The following KCNIP3 variants were observed in gnomAD, a reference collection of about 807,000 sequenced individuals.
KCNIP3 encodes calsenilin.
Under a neutral mutation model 35.0 loss-of-function variants are expected in KCNIP3, and 28 were observed. The ratio of observed to expected loss-of-function variants is 0.80; its 90% CI spans 0.59 to 1.10. KCNIP3 has a LOEUF of 1.10. KCNIP3 is among the 50% of genes least tolerant of loss of function. The probability of loss-of-function intolerance (pLI) is 0.00; values close to 1 mark genes in which losing one functional copy is unlikely to be tolerated. For synonymous variants in KCNIP3, 134 were observed against 133.8 expected (o/e 1.00, Z -0.01); for missense variants, 295 against 338.4 (o/e 0.87, Z 1.01).
rs138318963 is a variant in KCNIP3, at chr2:95,309,715, C to T, written c.16-640C>T. Among the ~76,000 whole-genome samples the T allele has an allele frequency of 4.6e-3, 704 of 152,296 alleles. 3 individuals are homozygous for T. The highest frequency in any genetic ancestry group is 0.027 in the Middle Eastern group (8 of 294). On this transcript the variant is annotated intron_variant, in intron 1 of 8. Coordinates refer to ENST00000295225, the MANE Select transcript of KCNIP3 (RefSeq NM_013434.5). ...CTAGGATTACAGGCGTGAACCACCA[C>T]GCCCGGCTGATCCACTGCCTCTTAA...
chr2:95,384,138 A>C lies in KCNIP3; in HGVS notation c.*89A>C. The C allele has an allele frequency of 8.5e-7, 1 of 1,169,810 alleles. No individual in the cohort carries two copies. Among genetic ancestry groups the C allele is most frequent in the Non-Finnish European group, 1.3e-6 (1 of 777,452 alleles). The allele number at this position is 1,169,810 out of a possible 1,614,324, so 72.5% of individuals were successfully genotyped here. A position where few individuals can be genotyped will look rare whatever the true frequency, so the allele number is the denominator to read the frequency against. ...GGAGCAGCCTCCAAGAAACTTTTAA[A>C]AAATAGATTTGCAAAAAGTGAACAG... On this transcript the variant is annotated 3_prime_UTR_variant, in exon 9 of 9. Coordinates refer to ENST00000295225, the MANE Select transcript of KCNIP3 (RefSeq NM_013434.5).
Position 95,325,656 on chromosome 2 carries a change from GATACACACTCATACAC to G in KCNIP3, c.181+15168_181+15183del, listed in dbSNP as rs372878286. On this transcript the variant is annotated intron_variant, in intron 2 of 8. Coordinates refer to ENST00000295225, the MANE Select transcript of KCNIP3 (RefSeq NM_013434.5). ...ACACACACACGCATACACACAAATAGATACACACTCATACACATACACACTCATACACATACACACT... is the reference window on the plus strand; with the variant it reads ...ACACACACACGCATACACACAAATAGATACACACTCATACACATACACACT... 9.2e-3 allele frequency among the ~76,000 whole-genome samples: 1,372 copies of G among 149,188 alleles called. 45 individuals carry two copies. The highest frequency in any genetic ancestry group is 0.058 in the Admixed American group (863 of 15,006).
At chr2:95,328,674 G>T (rs1207880853) in intron 2 of KCNIP3, among the ~76,000 whole-genome samples, 2 of 152,214 alleles carry the variant, frequency 1.3e-5, no homozygotes, top group Non-Finnish European at 2.9e-5. Context: ...GAGGGGCTCG[G>T]GTGCTATTCT....
intron 5 of KCNIP3, among the ~76,000 whole-genome samples, chr2:95,380,169 C>G (rs749489690): frequency 3.3e-5 from 5 of 152,156 alleles, no homozygotes; most frequent in Non-Finnish European, 7.4e-5. Flanking sequence ...CTTTTTAAGT[C>G]TGTCATTTTG....
chr2:95,314,936 C>G (rs1431855629), intron 2 of KCNIP3, among the ~76,000 whole-genome samples: 2 of 152,196 alleles, frequency 1.3e-5, no homozygotes, highest in Non-Finnish European at 2.9e-5. Flanking sequence ...GACAGGGCAG[C>G]CCTGGAACCC....
chr2:95,375,069 T>C, intron 4 of KCNIP3, 69 bp from the exon 5 acceptor site: 2 of 1,543,618 alleles, frequency 1.3e-6, no homozygotes, highest in Non-Finnish European at 9.0e-7. Context: ...TCAGCTGGGG[T>C]TGCCTGGGGT....
At chr2:95,319,811 C>T (rs1030860917) in intron 2 of KCNIP3, among the ~76,000 whole-genome samples, 7 of 152,234 alleles carry the variant, frequency 4.6e-5, no homozygotes, top group African/African-American at 1.2e-4. Context: ...CCCTCCGCTG[C>T]GCCGTCTGTC....
At chr2:95,320,052 G>A (rs140575673) in intron 2 of KCNIP3, among the ~76,000 whole-genome samples, 76 of 152,294 alleles carry the variant, frequency 5.0e-4, no homozygotes, top group East Asian at 1.9e-3. Flanking sequence ...TGGCGATGCC[G>A]GTTCTGGGAT....
intron 2 of KCNIP3, among the ~76,000 whole-genome samples, chr2:95,332,478 A>G (rs1426746575): frequency 1.3e-5 from 2 of 152,266 alleles, no homozygotes; most frequent in Non-Finnish European, 2.9e-5. Context: ...AGAACTTAAA[A>G]GTCATGGAGG....
Position 95,376,062 on chromosome 2 carries a change from C to T in KCNIP3, c.447+854C>T, listed in dbSNP as rs1190462667. Among the ~76,000 whole-genome samples, 2 of 152,218 alleles carry T rather than the reference C, an allele frequency of 1.3e-5. No homozygotes were observed. Among genetic ancestry groups the T allele is most frequent in the Admixed American group, 6.5e-5 (1 of 15,276 alleles). The stretch of plus-strand genomic sequence containing the variant: ...AAGCCCGCCAGGCACACTGACGCTC[C>T]CCGCCTGCCCTGTGACCACAGGACC... On this transcript the variant is annotated intron_variant, in intron 5 of 8. Transcript: ENST00000295225. The surrounding 1 kb of genome is among the most constrained non-coding windows in gnomAD (Gnocchi z 4.2).
chr2:95,360,838 G>A (rs769468149), intron 2 of KCNIP3, among the ~76,000 whole-genome samples: 2 of 152,192 alleles, frequency 1.3e-5, no homozygotes, highest in Non-Finnish European at 2.9e-5. Flanking sequence ...GTGAGGGTGG[G>A]GCCCTCATGG....
chr2:95,359,349 G>A (rs1679734696), intron 2 of KCNIP3, among the ~76,000 whole-genome samples: 1 of 152,154 alleles, frequency 6.6e-6, no homozygotes, highest in Non-Finnish European at 1.5e-5. Context: ...TCCATTCAGG[G>A]AGAAACCGGC....
chr2:95,362,560 A>C (rs1679826013), intron 2 of KCNIP3, among the ~76,000 whole-genome samples: 1 of 152,210 alleles, frequency 6.6e-6, no homozygotes, highest in East Asian at 1.9e-4. Flanking sequence ...GACACAGTTC[A>C]ATCCTATGCA....
At chr2:95,306,863 G>T (rs1169505012) in intron 1 of KCNIP3, among the ~76,000 whole-genome samples, 1 of 152,222 alleles carries the variant, frequency 6.6e-6, no homozygotes, top group Non-Finnish European at 1.5e-5. Context: ...GCCAGCAGGA[G>T]GGTGCCTGGG....
intron 2 of KCNIP3, among the ~76,000 whole-genome samples, chr2:95,344,004 C>T (rs1679282397): frequency 6.6e-6 from 1 of 152,164 alleles, no homozygotes; most frequent in Non-Finnish European, 1.5e-5. Context: ...AGGGCCCAGC[C>T]TTCTCCAATC....
intron 2 of KCNIP3, among the ~76,000 whole-genome samples, chr2:95,370,151 TCTTG>T (rs1204930821): frequency 1.3e-5 from 2 of 152,262 alleles, no homozygotes; most frequent in South Asian, 2.1e-4. Context: ...GGTCACATTT[TCTTG>T]CTTCTTCTCA....
At chr2:95,311,939 G>A (rs1257121097) in intron 2 of KCNIP3, 8 of 152,216 alleles carry the variant, frequency 5.3e-5, no homozygotes, top group African/African-American at 1.7e-4. Context: ...CACATAGCTC[G>A]ACCGGGAAGG....
At chr2:95,303,123 C>A (rs77542077) in intron 1 of KCNIP3, 1 of 152,260 alleles carries the variant, frequency 6.6e-6, no homozygotes, top group African/African-American at 2.4e-5. Flanking sequence ...GGAGACTGAA[C>A]TAGCGGCTCG....
intron 5 of KCNIP3, among the ~76,000 whole-genome samples, chr2:95,379,914 G>A (rs1156865852): frequency 6.6e-6 from 1 of 152,222 alleles, no homozygotes; most frequent in Admixed American, 6.5e-5. Context: ...ACTGCAGGCT[G>A]TTTTCATGCA....
Sources: gnomAD v4.1 joint callset for allele counts (sites outside exome capture counted in the v4.1 genomes callset) on GRCh38, gnomAD v4.1.1 for gene constraint, Gnocchi (gnomAD v3.1) non-coding constraint, MANE v1.5 for transcripts, NCBI Gene and HGNC (gene_info 2026-07-23, HGNC 2026-07-21) for gene names.